The following AQP11 variants were observed in gnomAD, a reference collection of about 807,000 sequenced individuals.
AQP11 encodes aquaporin-11.
A neutral mutation model predicts 21.1 loss-of-function variants in AQP11; 20 were observed. The observed-to-expected ratio is 0.95, with a 90% confidence interval of 0.67 to 1.38. The LOEUF (loss-of-function observed/expected upper bound fraction) is 1.38, where lower values mean the gene tolerates loss of function less well. Ranked by LOEUF, AQP11 falls within the 40% of genes most tolerant of loss-of-function variation. The pLI is 0.00. For synonymous variants in AQP11, 167 were observed against 150.1 expected (o/e 1.11, Z -0.82); for missense variants, 339 against 340.4 (o/e 1.00, Z 0.03).
At chr11:77,606,451 A>G (rs1197845821) in intron 2 of AQP11, among the ~76,000 whole-genome samples, 2 of 152,168 alleles carry the variant, frequency 1.3e-5, no homozygotes, top group African/African-American at 4.8e-5. Flanking sequence ...GGAAGATAAC[A>G]CATTATATGT....
At chr11:77,593,016 A>C (rs1447678720) in intron 1 of AQP11, among the ~76,000 whole-genome samples, 19 of 152,254 alleles carry the variant, frequency 1.2e-4, no homozygotes, top group Admixed American at 6.5e-5. Context: ...TGCACTGTGC[A>C]ATTCAGTAGC....
intron 2 of AQP11, among the ~76,000 whole-genome samples, chr11:77,607,712 G>A (rs531202876): frequency 1.3e-5 from 2 of 150,020 alleles, no homozygotes; most frequent in African/African-American, 2.5e-5. Flanking sequence ...GCAGTGAGCC[G>A]AGATCGTACC....
At chr11:77,600,699 C>T (rs1291921121) in intron 1 of AQP11, among the ~76,000 whole-genome samples, 1 of 152,096 alleles carries the variant, frequency 6.6e-6, no homozygotes, top group Admixed American at 6.5e-5. Flanking sequence ...TAGGTTTTTC[C>T]TAGTTCTTTG....
Position 77,590,292 on chromosome 11 carries a change from G to T in AQP11, c.300G>T (p.Pro100=). The T allele has an allele frequency of 6.2e-7, 1 of 1,605,582 alleles. No homozygotes were observed. Among genetic ancestry groups the T allele is most frequent in the African/African-American group, 1.3e-5 (1 of 74,902 alleles). Residue 100 remains proline (P), a synonymous_variant, in exon 1 of 3, where the codon CCG becomes CCT. Transcript: ENST00000313578. ...CTCTGGTGGGCACGTCCAGCAACCCGTGCGGCGTGATGATGCAGATGATGC... is the reference window on the plus strand; with the variant it reads ...CTCTGGTGGGCACGTCCAGCAACCCTTGCGGCGTGATGATGCAGATGATGC... ...GLTLVGTSSN[P]CGVMMQMMLG...
chr11:77,598,395 G>C (rs1269902336), intron 1 of AQP11, among the ~76,000 whole-genome samples: 1 of 152,170 alleles, frequency 6.6e-6, no homozygotes, highest in Non-Finnish European at 1.5e-5. Flanking sequence ...TGGACTAGCT[G>C]GATCTCCCGG....
intron 1 of AQP11, among the ~76,000 whole-genome samples, chr11:77,596,525 A>AATATATATATATATATATATAT (rs1283873207): frequency 1.1e-5 from 1 of 87,252 alleles, no homozygotes; most frequent in African/African-American, 4.5e-5. Context: ...TATATATGTA[A>AATATATATATATATATATATAT]ATATATATGT....
At chr11:77,609,158 G>A (rs930211698) in intron 2 of AQP11, 140 bp from the exon 3 acceptor site, 32 of 537,788 alleles carry the variant, frequency 6.0e-5, no homozygotes, top group Non-Finnish European at 8.9e-5. Context: ...CATGTTTCAC[G>A]TAGAATTGAT....
chr11:77,593,344 A>C (rs577431792), intron 1 of AQP11, among the ~76,000 whole-genome samples: 1 of 152,324 alleles, frequency 6.6e-6, no homozygotes, highest in South Asian at 2.1e-4. Context: ...AATTCTTACA[A>C]CAACCCATCG....
chr11:77,609,000 C>G (rs1958861954), intron 2 of AQP11, among the ~76,000 whole-genome samples: 1 of 152,100 alleles, frequency 6.6e-6, no homozygotes, highest in Non-Finnish European at 1.5e-5. Flanking sequence ...TTTAGTTTAT[C>G]CTTTGAATTC....
chr11:77,598,873 C>A (rs987349891), intron 1 of AQP11, among the ~76,000 whole-genome samples: 2 of 152,022 alleles, frequency 1.3e-5, no homozygotes, highest in Admixed American at 1.3e-4. Context: ...TGCCACCACA[C>A]CTGGCTAATT....
At chr11:77,608,709 C>T (rs926399885) in intron 2 of AQP11, among the ~76,000 whole-genome samples, 2 of 152,216 alleles carry the variant, frequency 1.3e-5, no homozygotes, top group African/African-American at 4.8e-5. Context: ...TTGCTTGACA[C>T]ATCTCTAAAA....
chr11:77,596,839 G>GA (rs1958786275), intron 1 of AQP11, among the ~76,000 whole-genome samples: 2 of 150,186 alleles, frequency 1.3e-5, no homozygotes, highest in South Asian at 4.2e-4. Context: ...CAGCCTGGGT[G>GA]AAAGAGTGAG....
At chr11:77,599,962 CTTAT>C (rs1350305048) in intron 1 of AQP11, among the ~76,000 whole-genome samples, 4 of 151,706 alleles carry the variant, frequency 2.6e-5, no homozygotes, top group South Asian at 2.1e-4. Flanking sequence ...CTGTTATTTA[CTTAT>C]TTATTTATTT....
At chr11:77,604,035 T>C (rs964650947) in intron 2 of AQP11, among the ~76,000 whole-genome samples, 5 of 152,198 alleles carry the variant, frequency 3.3e-5, no homozygotes, top group Non-Finnish European at 4.4e-5. Context: ...CAGAACAGCA[T>C]CTCATGAAAC....
intron 1 of AQP11, among the ~76,000 whole-genome samples, chr11:77,591,703 C>G (rs1313123205): frequency 6.6e-6 from 1 of 151,930 alleles, no homozygotes; most frequent in African/African-American, 2.4e-5. Context: ...AACCCCGTCT[C>G]TACTAAAAAT....
chr11:77,590,065 G>A lies in AQP11; in HGVS notation c.73G>A (p.Val25Met). The A allele has an allele frequency of 1.2e-6, 2 of 1,603,658 alleles. No individual in the cohort carries two copies. Among genetic ancestry groups the A allele is most frequent in the Non-Finnish European group, 1.7e-6 (2 of 1,177,326 alleles). Residue 25 changes from valine (V) to methionine (M), a missense_variant, in exon 1 of 3, where the codon GTG becomes ATG. By Grantham distance (21) the Val-to-Met change is conservative. Transcript: ENST00000313578. Reference sequence around the variant, plus strand: ...CTCGCTGGGACTGATGCTGTCGGTGGTGCTGCTCATGGGGCTGGCCCGCGT... The same window carrying A: ...CTCGCTGGGACTGATGCTGTCGGTGATGCTGCTCATGGGGCTGGCCCGCGT... ...CTSLGLMLSV[V>M]LLMGLARVVA...
intron 2 of AQP11, among the ~76,000 whole-genome samples, chr11:77,607,897 T>TTCTG (rs1392708796): frequency 3.9e-5 from 6 of 152,282 alleles, no homozygotes; most frequent in African/African-American, 1.4e-4. Flanking sequence ...TATTTTCTAG[T>TTCTG]TCTGACTTTA....
chr11:77,606,651 T>TCCTCCTGTCCCAGCCTCCCAGG (rs1428311375), intron 2 of AQP11, among the ~76,000 whole-genome samples: 7 of 152,290 alleles, frequency 4.6e-5, no homozygotes, highest in Admixed American at 3.9e-4. Context: ...GCGCAAGCGA[T>TCCTCCTGTCCCAGCCTCCCAGG]CCTCCTGTCC....
At chr11:77,594,339 A>G (rs892101151) in intron 1 of AQP11, among the ~76,000 whole-genome samples, 6 of 152,192 alleles carry the variant, frequency 3.9e-5, no homozygotes, top group Non-Finnish European at 7.3e-5. Context: ...AGCCTTTACT[A>G]TGCTTCTAAG....
Sources: allele counts gnomAD v4.1 joint callset (sites outside exome capture counted in the v4.1 genomes callset), GRCh38; gene constraint gnomAD v4.1.1; transcripts MANE v1.5; gene names NCBI Gene and HGNC (gene_info 2026-07-23, HGNC 2026-07-21).